The following SECISBP2 variants were observed in gnomAD, a reference collection of about 807,000 sequenced individuals.
SECISBP2 encodes the protein selenocysteine insertion sequence-binding protein 2.
In SECISBP2, 96 loss-of-function variants were observed where a neutral mutation model predicts 98.2. The observed-to-expected ratio is 0.98, with a 90% CI of 0.83 to 1.16. The LOEUF is 1.16. Among genes scored for constraint, SECISBP2 ranks in the 50% most tolerant of loss-of-function variants. SECISBP2 has a pLI of 0.00. For missense variants in SECISBP2, 1,046 were observed against 1,022.9 expected (o/e 1.02, Z -0.31); for synonymous variants, 407 against 370.2 (o/e 1.10, Z -1.14).
chr9:89,344,931 C>T (rs939610747), intron 10 of SECISBP2, among the ~76,000 whole-genome samples: 2 of 152,176 alleles, frequency 1.3e-5, no homozygotes, highest in African/African-American at 4.8e-5. Flanking sequence ...TTACCAGTTT[C>T]ATATTTATGA....
rs769199640 is a variant in SECISBP2, at chr9:89,350,614, G to A, written c.1893-18G>A. On this transcript the variant is annotated intron_variant, in intron 13 of 16. Transcript: ENST00000375807. ...CACAGCCAGTGGCACAATTCCTGAT[G>A]TCTGATGTTTCTTTCAGTTACTGCA... The A allele has an allele frequency of 6.2e-7, 1 of 1,609,558 alleles. No homozygotes were observed. Among genetic ancestry groups the A allele is most frequent in the Non-Finnish European group, 8.5e-7 (1 of 1,176,326 alleles).
At chr9:89,363,925 C>T (rs759745653), downstream of SECISBP2, 24 of 1,614,102 alleles carry the variant, frequency 1.5e-5, no homozygotes, top group Non-Finnish European at 2.0e-5. Flanking sequence ...CATTCTTCTC[C>T]CAGACAAAGC....
At chr9:89,353,770 G>A (rs1831646729) in intron 14 of SECISBP2, among the ~76,000 whole-genome samples, 1 of 152,208 alleles carries the variant, frequency 6.6e-6, no homozygotes, top group Non-Finnish European at 1.5e-5. Flanking sequence ...CCACTTTCTT[G>A]GAAGACATCA....
chr9:89,351,172 C>T (rs955712344), intron 14 of SECISBP2, among the ~76,000 whole-genome samples: 1 of 152,234 alleles, frequency 6.6e-6, no homozygotes, highest in Non-Finnish European at 1.5e-5. Context: ...TGGTCACTTG[C>T]ACCACAGAGA....
At position 89,338,469 on chromosome 9, in the gene SECISBP2, A is replaced by C. The variant is rs745813967; in HGVS notation, c.1101A>C (p.Ser367=). ...IIHPTQKSKA[S]QGSDLEQNEA... is the part of the protein sequence containing the mutation. ...ATTTTCTGTTCTAGTCTAAAGCATC[A>C]CAAGGTAGTGACCTTGAACAAAATG... Residue 367 remains serine, a synonymous_variant, in exon 8 of 17, where the codon TCA becomes TCC. Transcript: ENST00000375807. The C allele has an allele frequency of 1.2e-6, 2 of 1,613,656 alleles. No individual in the cohort carries two copies. Among genetic ancestry groups the C allele is most frequent in the Admixed American group, 3.3e-5 (2 of 59,980 alleles).
chr9:89,345,992 A>T (rs1039634173), intron 10 of SECISBP2, among the ~76,000 whole-genome samples: 1 of 152,212 alleles, frequency 6.6e-6, no homozygotes, highest in African/African-American at 2.4e-5. Flanking sequence ...AGACAGTCAG[A>T]CAGGCGAGAT....
downstream of SECISBP2, chr9:89,360,801 C>T (rs1249119163): frequency 6.6e-6 from 1 of 152,222 alleles, no homozygotes; most frequent in African/African-American, 2.4e-5. Context: ...CAATGTACAA[C>T]TCTATTTTTA....
At chr9:89,336,204 A>G (rs1281308863) in intron 7 of SECISBP2, among the ~76,000 whole-genome samples, 1 of 142,032 alleles carries the variant, frequency 7.0e-6, no homozygotes, top group East Asian at 2.1e-4. Context: ...TCCAACTAGT[A>G]TTTGTATTTT....
rs757696851 is a variant in SECISBP2 at position 89,325,593 on chromosome 9, AGTT to A, written c.353_355del (p.Cys118del). The A allele has an allele frequency of 6.2e-7, 1 of 1,614,116 alleles. No individual in the cohort carries two copies. Among genetic ancestry groups the A allele is most frequent in the Non-Finnish European group, 8.5e-7 (1 of 1,179,996 alleles). On this transcript the variant is annotated inframe_deletion, in exon 3 of 17. Transcript: ENST00000375807. ...CTCCCAGTATCTTTATAACCAACCC[AGTT>A]GTTACCGAGGTTTTCAAACAGTGAA...
intron 10 of SECISBP2, among the ~76,000 whole-genome samples, chr9:89,343,609 C>G (rs565069949): frequency 6.6e-6 from 1 of 152,158 alleles, no homozygotes. Context: ...GTTTTCTGTT[C>G]CTGCGTTAGT....
At position 89,349,941 on chromosome 9, in the gene SECISBP2, C is replaced by CCT; in HGVS notation, c.1892+13_1892+14dup. The CCT allele has an allele frequency of 6.2e-7, 1 of 1,613,962 alleles. No individual in the cohort carries two copies. The highest frequency in any genetic ancestry group is 8.5e-7 in the Non-Finnish European group (1 of 1,180,024). ...CGCAGATTCAGGGAGTGAGTGAGCC[C>CCT]CTGCCTGCCAGGGACTAGGGGAAGA... On this transcript the variant is annotated intron_variant, in intron 13 of 16. Coordinates refer to ENST00000375807, the MANE Select transcript of SECISBP2 (RefSeq NM_024077.5).
At chr9:89,325,170 C>G in intron 2 of SECISBP2, 1 of 481,340 alleles carries the variant, frequency 2.1e-6, no homozygotes, top group Non-Finnish European at 3.7e-6. Flanking sequence ...TGAAAAGCTG[C>G]TGGAGCATCT....
In SECISBP2 at chr9:89,328,613, A is replaced by G. The variant is rs780133891; in HGVS notation, c.575-47A>G. 3.9e-5 allele frequency: 59 copies of G among 1,525,462 alleles called. 1 individual carries two copies. In the Admixed American group the frequency reaches 9.9e-4, roughly 26 times the overall value. 94.5% of individuals were successfully genotyped at this position (1,525,462 alleles called of 1,614,324 possible). On this transcript the variant is annotated intron_variant, in intron 4 of 16. Transcript: ENST00000375807. ...AATTTTTGCTTGCATACTGGTCATC[A>G]AACAGTAACTAAATTTTTACTCTTA...
chr9:89,355,590 CA>C (rs925379182), intron 14 of SECISBP2: 17,972 of 645,948 alleles, frequency 0.028, no homozygotes, highest in Non-Finnish European at 0.031. Context: ...GTTTCTCCAC[CA>C]AAAAAAAAAA....
chr9:89,360,052 G>A (rs1424779721), downstream of SECISBP2, among the ~76,000 whole-genome samples: 3 of 152,234 alleles, frequency 2.0e-5, no homozygotes, highest in Non-Finnish European at 2.9e-5. Flanking sequence ...GCTATGAGCA[G>A]GGCTGGAAAT....
Position 89,338,490 on chromosome 9 carries a change from AAATG to A in SECISBP2, c.1125_1128del (p.Asn375LysfsTer20). On this transcript the variant is annotated frameshift_variant, in exon 8 of 17. Transcript: ENST00000375807. LOFTEE classifies it high-confidence loss of function. ...CATCACAAGGTAGTGACCTTGAACA[AAATG>A]AAGCCTCAAGAAAGAATAAGAAAAA... 1 of 1,613,726 alleles carries A rather than the reference AAATG, an allele frequency of 6.2e-7. No homozygotes were observed. The highest frequency in any genetic ancestry group is 2.2e-5 in the East Asian group (1 of 44,846).
At chr9:89,362,465 A>G, downstream of SECISBP2, 6 of 1,613,978 alleles carry the variant, frequency 3.7e-6, no homozygotes, top group Non-Finnish European at 4.2e-6. Context: ...CCTTGGTGGA[A>G]CGGATGGGCC....
chr9:89,359,555 G>A lies in SECISBP2; in HGVS notation c.*731G>A, dbSNP rs1198899629. On this transcript the variant is annotated 3_prime_UTR_variant, in exon 17 of 17. Coordinates refer to ENST00000375807, the MANE Select transcript of SECISBP2 (RefSeq NM_024077.5). ...TGAACATATTCTGAATGTGGTTTCTGTCTTAGACCAGGAGGACAGAGTTTG... is the reference window on the plus strand; with the variant it reads ...TGAACATATTCTGAATGTGGTTTCTATCTTAGACCAGGAGGACAGAGTTTG... 6.6e-6 allele frequency: 1 copy of A among 152,168 alleles called. No individual in the cohort carries two copies. The highest frequency in any genetic ancestry group is 2.4e-5 in the African/African-American group (1 of 41,410). 9.4% of individuals were successfully genotyped at this position (152,168 alleles called of 1,614,324 possible).
intron 4 of SECISBP2, among the ~76,000 whole-genome samples, chr9:89,326,760 A>C (rs186052324): frequency 2.6e-5 from 4 of 152,328 alleles, no homozygotes; most frequent in African/African-American, 9.6e-5. Context: ...CCAACCACCT[A>C]GCTAGGCTAT....
Sources: allele counts gnomAD v4.1 joint callset (sites outside exome capture counted in the v4.1 genomes callset), GRCh38; gene constraint gnomAD v4.1.1; transcripts MANE v1.5; gene names NCBI Gene and HGNC (gene_info 2026-07-23, HGNC 2026-07-21).